Variants in MAP4K5 observed in about 807,000 individuals in gnomAD.
MAP4K5 encodes the protein mitogen-activated protein kinase kinase kinase kinase 5.
In MAP4K5, 82 loss-of-function variants were observed where a neutral mutation model predicts 135.6. The observed-to-expected ratio is 0.60, with a 90% CI of 0.51 to 0.73. The LOEUF (loss-of-function observed/expected upper bound fraction) is 0.73. Among genes scored for constraint, MAP4K5 ranks in the 30% least tolerant of loss-of-function variants. The pLI is 0.00. For missense variants in MAP4K5, 907 were observed against 1,010.9 expected, an observed-to-expected ratio of 0.90 and a Z score of 1.39; for synonymous variants, 347 against 335.0, an observed-to-expected ratio of 1.04 and a Z score of -0.39.
chr14:50,456,566 C>A lies in MAP4K5; in HGVS notation c.965G>T (p.Arg322Ile), dbSNP rs1160756973. The A allele has an allele frequency of 1.3e-6, 2 of 1,577,868 alleles. No homozygotes were observed. The highest frequency in any genetic ancestry group is 1.7e-6 in the Non-Finnish European group (2 of 1,160,480). Residue 322 changes from arginine (R) to isoleucine (I), a missense_variant, in exon 14 of 33, where the codon AGA (arginine) becomes ATA (isoleucine). Physicochemically the swap from Arg to Ile is moderately conservative, Grantham distance 97. This residue lies in a region of MAP4K5 where 690 missense variants were observed against 777.4 expected (regional missense o/e 0.89). Transcript: ENST00000682126. ...AGCTCTGGCATTCCTGTTTGTAGAT[C>A]TAATGGTATGACGAATGATTGCATG... is the stretch of plus-strand genomic sequence containing the variant. The part of the protein sequence containing the change: ...EPHAIIRHTI[R>I]STNRNARAER...
At chr14:50,473,894 T>C (rs533320596) in intron 9 of MAP4K5, among the ~76,000 whole-genome samples, 42 of 152,124 alleles carry the variant, frequency 2.8e-4, no homozygotes, top group African/African-American at 9.6e-4. Flanking sequence ...CGGCTAATTT[T>C]TTTGTATTTT....
chr14:50,462,641 A>G (rs376474336), intron 13 of MAP4K5, 24 bp downstream of exon 13: 3 of 1,493,910 alleles, frequency 2.0e-6, no homozygotes, highest in South Asian at 1.2e-5. Flanking sequence ...ATTTTCAACT[A>G]TGAGACTGCA....
intron 1 of MAP4K5, among the ~76,000 whole-genome samples, chr14:50,545,442 G>A (rs962063233): frequency 3.9e-5 from 6 of 152,170 alleles, no homozygotes; most frequent in Non-Finnish European, 5.9e-5. Flanking sequence ...GGAATCCCAG[G>A]GTGGTCGACG....
intron 28 of MAP4K5, among the ~76,000 whole-genome samples, chr14:50,432,302 G>T (rs924620020): frequency 6.6e-6 from 1 of 152,106 alleles, no homozygotes; most frequent in South Asian, 2.1e-4. Context: ...TTGTAAAAAT[G>T]GGGAAACCTA....
At chr14:50,523,477 AAGAC>A (rs2038193898) in intron 2 of MAP4K5, among the ~76,000 whole-genome samples, 1 of 152,096 alleles carries the variant, frequency 6.6e-6, no homozygotes, top group Non-Finnish European at 1.5e-5. Context: ...AAAGAGATTT[AAGAC>A]TTCCTTTGAT....
At position 50,460,199 on chromosome 14, in the gene MAP4K5, A is replaced by T. The variant is rs376352628; in HGVS notation, c.936+2466T>A. 2.6e-5 allele frequency among the ~76,000 whole-genome samples: 4 copies of T among 152,052 alleles called. No individual in the cohort carries two copies. In the East Asian group the frequency reaches 7.7e-4, roughly 29 times the overall value. ...AGTCCCTATGATATCCCTCCATAGCACCTTTTACCTCCCATTCCATCACAT... is the reference window on the plus strand; with the variant it reads ...AGTCCCTATGATATCCCTCCATAGCTCCTTTTACCTCCCATTCCATCACAT... On this transcript the variant is annotated intron_variant, in intron 13 of 32. Coordinates refer to ENST00000682126, the MANE Select transcript of MAP4K5 (RefSeq NM_006575.6).
chr14:50,452,767 C>A (rs1256139211), intron 14 of MAP4K5, among the ~76,000 whole-genome samples: 1 of 151,978 alleles, frequency 6.6e-6, no homozygotes, highest in Non-Finnish European at 1.5e-5. Context: ...GAAGACTGTC[C>A]CAGCAGGACA....
chr14:50,487,216 G>A (rs2037381297), intron 3 of MAP4K5, among the ~76,000 whole-genome samples: 1 of 152,204 alleles, frequency 6.6e-6, no homozygotes, highest in Admixed American at 6.5e-5. Context: ...GCTAAGGCAG[G>A]AGAATCGCTT....
At chr14:50,472,665 T>C (rs989254514) in intron 9 of MAP4K5, 2 of 152,212 alleles carry the variant, frequency 1.3e-5, no homozygotes, top group African/African-American at 2.4e-5. Flanking sequence ...CCTGTAAACA[T>C]ATGGAATGTG....
At chr14:50,557,468 A>G (rs2038778248) in intron 1 of MAP4K5, among the ~76,000 whole-genome samples, 1 of 152,064 alleles carries the variant, frequency 6.6e-6, no homozygotes, top group Non-Finnish European at 1.5e-5. Context: ...TTTCCTCCTC[A>G]TTTAACATTG....
At chr14:50,443,096 C>G (rs1220503715) in intron 20 of MAP4K5, among the ~76,000 whole-genome samples, 1 of 152,094 alleles carries the variant, frequency 6.6e-6, no homozygotes, top group Admixed American at 6.6e-5. Context: ...TAAGTTACTA[C>G]TATTTTTTAG....
At chr14:50,522,742 G>A (rs926958989) in intron 2 of MAP4K5, among the ~76,000 whole-genome samples, 2 of 151,986 alleles carry the variant, frequency 1.3e-5, no homozygotes, top group African/African-American at 4.8e-5. Flanking sequence ...ACACAAAAAG[G>A]ACAGTATATT....
At position 50,443,767 on chromosome 14, in the gene MAP4K5, G is replaced by C; in HGVS notation, c.1441C>G (p.Pro481Ala). The change falls in exon 20 of 33, where the codon CCA becomes GCA. Residue 481 changes from proline to alanine, a missense_variant. This residue lies in a region of MAP4K5 where 690 missense variants were observed against 777.4 expected (regional missense o/e 0.89). Coordinates refer to ENST00000682126, the MANE Select transcript of MAP4K5 (RefSeq NM_006575.6). ...GTGGGTGGAAGGCCATTGATGGCTG[G>C]TTTCTATGGGAAAAATAAAATTTAC... The part of the protein sequence containing the change: ...RKKDKRDFPK[P>A]AINGLPPTPK... 6.3e-7 allele frequency: 1 copy of C among 1,598,490 alleles called. No individual in the cohort carries two copies. The highest frequency in any genetic ancestry group is 1.7e-4 in the Middle Eastern group (1 of 5,962).
At chr14:50,465,944 T>C (rs188645901) in intron 11 of MAP4K5, among the ~76,000 whole-genome samples, 1 of 152,192 alleles carries the variant, frequency 6.6e-6, no homozygotes, top group Admixed American at 6.5e-5. Context: ...CGTGGTGGCA[T>C]GTGCCTGTAG....
chr14:50,458,131 A>G (rs146913114), intron 13 of MAP4K5, among the ~76,000 whole-genome samples: 1 of 152,176 alleles, frequency 6.6e-6, no homozygotes, highest in Non-Finnish European at 1.5e-5. Flanking sequence ...CACATTCTTC[A>G]AACCTACCCA....
Position 50,436,705 on chromosome 14 carries a change from G to A in MAP4K5, c.1882+771C>T, listed in dbSNP as rs139733117. ...ATAAAAACTCTGGACATCGAGGCTC[G>A]AATAAGCTTGTGGTTGGCAGTGGTT... is the stretch of plus-strand genomic sequence containing the variant. On this transcript the variant is annotated intron_variant, in intron 26 of 32. Coordinates refer to ENST00000682126, the MANE Select transcript of MAP4K5 (RefSeq NM_006575.6). 6.8e-3 allele frequency among the ~76,000 whole-genome samples: 1,030 copies of A among 152,152 alleles called. 16 individuals carry two copies. The highest frequency in any genetic ancestry group is 0.023 in the African/African-American group (964 of 41,514).
At chr14:50,501,609 T>C (rs1289530383) in intron 3 of MAP4K5, among the ~76,000 whole-genome samples, 1 of 152,136 alleles carries the variant, frequency 6.6e-6, no homozygotes, top group Non-Finnish European at 1.5e-5. Flanking sequence ...AGGATAATGA[T>C]AGGCCCAAGT....
intron 6 of MAP4K5, among the ~76,000 whole-genome samples, chr14:50,480,388 A>G (rs569355479): frequency 5.5e-4 from 77 of 141,274 alleles, no homozygotes; most frequent in African/African-American, 1.9e-3. Flanking sequence ...AAATACTAGA[A>G]CTTACTCATT....
chr14:50,510,422 G>C (rs1199861979), intron 2 of MAP4K5, among the ~76,000 whole-genome samples: 2 of 152,068 alleles, frequency 1.3e-5, no homozygotes, highest in Admixed American at 1.3e-4. Flanking sequence ...AGTCTCCCTG[G>C]TATCCTAAGG....
Sources: gnomAD v4.1 joint callset for allele counts (sites outside exome capture counted in the v4.1 genomes callset) on GRCh38, gnomAD v4.1.1 for gene constraint, gnomAD v4.1.1 regional missense constraint, MANE v1.5 for transcripts, NCBI Gene and HGNC (gene_info 2026-07-23, HGNC 2026-07-21) for gene names.